Variants in RHOBTB1 observed in about 807,000 individuals in gnomAD.
The protein encoded by RHOBTB1 is Rho related BTB domain containing 1.
RHOBTB1 carries 40 observed loss-of-function variants against 71.6 expected under a neutral mutation model. The observed-to-expected ratio is 0.56, with a 90% CI of 0.43 to 0.73. The LOEUF (loss-of-function observed/expected upper bound fraction) is 0.73, where lower values mean the gene tolerates loss of function less well. RHOBTB1 is among the 30% of genes least tolerant of loss of function. The pLI, the probability that RHOBTB1 is intolerant of heterozygous loss-of-function variation, is 0.00. For missense variants in RHOBTB1, 797 were observed against 894.0 expected, an observed-to-expected ratio of 0.89 and a Z score of 1.38; for synonymous variants, 319 against 334.9, an observed-to-expected ratio of 0.95 and a Z score of 0.52.
chr10:60,912,671 T>A (rs80165793), intron 2 of RHOBTB1: 6,596 of 152,128 alleles, frequency 0.043, 195 homozygotes, highest in Middle Eastern at 0.12. Flanking sequence ...CCTGAGACCA[T>A]CCAAGAAGGT....
rs770557772 is a variant in RHOBTB1, at chr10:60,869,689, T to A, written c.*1793A>T. On this transcript the variant is annotated 3_prime_UTR_variant, in exon 11 of 11. Coordinates refer to ENST00000337910, the MANE Select transcript of RHOBTB1 (RefSeq NM_014836.5). ...ACTATGACTACTCATTGAAAACTCA[T>A]CTTCTACCATTTTATGGTGGGATAC... The A allele has an allele frequency of 2.0e-5, 3 of 152,670 alleles. No individual in the cohort carries two copies. Among genetic ancestry groups the A allele is most frequent in the African/African-American group, 7.2e-5 (3 of 41,464 alleles). 9.5% of individuals were successfully genotyped at this position (152,670 alleles called of 1,614,324 possible).
intron 2 of RHOBTB1, among the ~76,000 whole-genome samples, chr10:60,939,641 G>C (rs1213991495): frequency 6.6e-6 from 1 of 152,058 alleles, no homozygotes; most frequent in East Asian, 1.9e-4. Flanking sequence ...AGGAACAAAA[G>C]AACCACATTC....
chr10:61,000,854 CG>C (rs1455438889), intron 1 of RHOBTB1, among the ~76,000 whole-genome samples: 2 of 152,050 alleles, frequency 1.3e-5, no homozygotes, highest in Non-Finnish European at 2.9e-5. Flanking sequence ...TTTTACAGCC[CG>C]GGGCTTTCAC....
At chr10:60,887,737 C>G (rs918530430) in intron 6 of RHOBTB1, among the ~76,000 whole-genome samples, 2 of 152,170 alleles carry the variant, frequency 1.3e-5, no homozygotes, top group African/African-American at 2.4e-5. Context: ...GACTTGAGAT[C>G]ACTGATTTTT....
At chr10:60,936,563 T>C (rs151235312) in intron 2 of RHOBTB1, among the ~76,000 whole-genome samples, 1,843 of 152,330 alleles carry the variant, frequency 0.012, 49 homozygotes, top group Admixed American at 0.051. Context: ...TAAGGCGGTC[T>C]GGTTATGGCC....
chr10:60,906,608 C>T lies in RHOBTB1; in HGVS notation c.296+4279G>A, dbSNP rs149397732. Among the ~76,000 whole-genome samples, 1,009 of 152,220 alleles carry T rather than the reference C, an allele frequency of 6.6e-3. 7 individuals are homozygous for T. The highest frequency in any genetic ancestry group is 0.01 in the Non-Finnish European group (709 of 68,028). ...CCTTTTTTGTGCCTGTTTCTCCAAC[C>T]GTGAAATGAGCCTATTTTGCAGGCT... On this transcript the variant is annotated intron_variant, in intron 4 of 10. Transcript: ENST00000337910.
chr10:60,890,307 A>C (rs1175932578), intron 5 of RHOBTB1, among the ~76,000 whole-genome samples: 1 of 151,876 alleles, frequency 6.6e-6, no homozygotes, highest in Non-Finnish European at 1.5e-5. Context: ...CCCACTCCTC[A>C]CATTTTAGTC....
At chr10:60,990,444 A>T (rs1258053008) in intron 1 of RHOBTB1, among the ~76,000 whole-genome samples, 1 of 152,192 alleles carries the variant, frequency 6.6e-6, no homozygotes, top group East Asian at 1.9e-4. Flanking sequence ...AACAGGCAGG[A>T]CGACAGACAG....
At chr10:60,884,487 A>AT (rs2081474805) in intron 7 of RHOBTB1, among the ~76,000 whole-genome samples, 1 of 152,026 alleles carries the variant, frequency 6.6e-6, no homozygotes, top group Non-Finnish European at 1.5e-5. Flanking sequence ...CTTGAATTGA[A>AT]TTTTTTTCTT....
chr10:60,956,116 C>T (rs1393970071), intron 2 of RHOBTB1, among the ~76,000 whole-genome samples: 1 of 152,196 alleles, frequency 6.6e-6, no homozygotes, highest in African/African-American at 2.4e-5. Flanking sequence ...GCCTACTACA[C>T]ACCTAGGCTA....
chr10:60,963,061 G>T (rs1212545808), intron 2 of RHOBTB1, among the ~76,000 whole-genome samples: 1 of 152,134 alleles, frequency 6.6e-6, no homozygotes, highest in Non-Finnish European at 1.5e-5. Context: ...CTTCCAAGAA[G>T]TATTGCAAAT....
At chr10:60,895,118 C>T (rs1164387175) in intron 4 of RHOBTB1, among the ~76,000 whole-genome samples, 2 of 152,152 alleles carry the variant, frequency 1.3e-5, no homozygotes, top group Non-Finnish European at 2.9e-5. Flanking sequence ...CCTGAGGGCC[C>T]AACTTCTAAC....
intron 7 of RHOBTB1, among the ~76,000 whole-genome samples, chr10:60,882,556 C>G (rs541842554): frequency 1.3e-5 from 2 of 148,908 alleles, no homozygotes; most frequent in East Asian, 4.1e-4. Context: ...ATATTTCACT[C>G]TTTTCTGGAT....
chr10:60,879,068 T>G (rs2081183119), intron 7 of RHOBTB1, among the ~76,000 whole-genome samples: 1 of 152,214 alleles, frequency 6.6e-6, no homozygotes, highest in African/African-American at 2.4e-5. Context: ...GAGAAGGGAC[T>G]TACTTTTGCC....
intron 2 of RHOBTB1, among the ~76,000 whole-genome samples, chr10:60,925,722 GA>G (rs1410665697): frequency 5.9e-5 from 9 of 152,056 alleles, no homozygotes; most frequent in Non-Finnish European, 8.8e-5. Flanking sequence ...ATATAAAAAA[GA>G]GATGTTACAA....
At chr10:60,947,173 A>C (rs531035523), upstream of RHOBTB1, among the ~76,000 whole-genome samples, 1 of 152,320 alleles carries the variant, frequency 6.6e-6, no homozygotes, top group South Asian at 2.1e-4. Context: ...TCATGAGTTT[A>C]TCTCTGCTCT....
In RHOBTB1 at chr10:60,942,631, A is replaced by C. The variant is rs186056629; in HGVS notation, c.-61-777T>G. On this transcript the variant is annotated intron_variant, in intron 1 of 10. Transcript: ENST00000337910. Reference sequence around the variant, plus strand: ...AATGCAGACATTATTTATGCTGAAAAGAGCTTGTGTTTATTTTCTAGCAAC... The same window carrying C: ...AATGCAGACATTATTTATGCTGAAACGAGCTTGTGTTTATTTTCTAGCAAC... 4.4e-3 allele frequency among the ~76,000 whole-genome samples: 667 copies of C among 152,350 alleles called. 2 individuals carry two copies. The highest frequency in any genetic ancestry group is 7.4e-3 in the Non-Finnish European group (501 of 68,030).
intron 2 of RHOBTB1, among the ~76,000 whole-genome samples, chr10:60,924,936 C>T (rs1333284709): frequency 6.6e-6 from 1 of 152,016 alleles, no homozygotes; most frequent in Non-Finnish European, 1.5e-5. Context: ...AATTGTAATC[C>T]CCAATGTTAG....
chr10:60,982,494 G>T (rs1012377754), intron 2 of RHOBTB1, among the ~76,000 whole-genome samples: 4 of 152,080 alleles, frequency 2.6e-5, no homozygotes, highest in Non-Finnish European at 5.9e-5. Flanking sequence ...CATTGATTTT[G>T]TTGGCCAGAT....
Sources: allele counts gnomAD v4.1 joint callset (sites outside exome capture counted in the v4.1 genomes callset), GRCh38; gene constraint gnomAD v4.1.1; transcripts MANE v1.5; gene names NCBI Gene and HGNC (gene_info 2026-07-23, HGNC 2026-07-21).